Variants in LCP1 observed in about 807,000 individuals in gnomAD.
LCP1 encodes lymphocyte cytosolic protein 1.
In LCP1, 23 loss-of-function variants were observed where a neutral mutation model predicts 72.0. The ratio of observed to expected loss-of-function variants is 0.32; its 90% CI spans 0.23 to 0.45. LCP1 has a LOEUF of 0.45. LCP1 is among the 20% of genes least tolerant of loss of function. The pLI, the probability that LCP1 is intolerant of heterozygous loss-of-function variation, is 1.00. For missense variants in LCP1, 571 were observed against 748.3 expected (o/e 0.76, Z 2.76); for synonymous variants, 245 against 275.4 (o/e 0.89, Z 1.09).
chr13:46,158,511 G>A lies in LCP1; in HGVS notation c.358+11C>T. On this transcript the variant is annotated intron_variant, in intron 4 of 15. Coordinates refer to ENST00000323076, the MANE Select transcript of LCP1 (RefSeq NM_002298.5). Reference sequence around the variant, plus strand: ...CCTGAAATCCTGCTCCAACCCAGGAGTTGAGCCTACCTGAATAGGAGTGTT... The same window carrying A: ...CCTGAAATCCTGCTCCAACCCAGGAATTGAGCCTACCTGAATAGGAGTGTT... 6.2e-7 allele frequency: 1 copy of A among 1,612,476 alleles called. No homozygotes were observed. Among genetic ancestry groups the A allele is most frequent in the South Asian group, 1.1e-5 (1 of 90,492 alleles).
At chr13:46,171,721 A>C (rs1196358145) in intron 1 of LCP1, among the ~76,000 whole-genome samples, 1 of 152,252 alleles carries the variant, frequency 6.6e-6, no homozygotes, top group Non-Finnish European at 1.5e-5. Flanking sequence ...AGACTACACT[A>C]ATATGAATAT....
rs182154614 is a variant in LCP1, at chr13:46,127,038, G to A, written c.*553C>T. The A allele has an allele frequency of 1.1e-4, 26 of 231,420 alleles. 1 individual carries two copies. The South Asian group carries it at 1.5e-3, about 13-fold the overall frequency. 14.3% of individuals were successfully genotyped at this position (231,420 alleles called of 1,614,324 possible). A position where few individuals can be genotyped will look rare whatever the true frequency, so the allele number is the denominator to read the frequency against. On this transcript the variant is annotated 3_prime_UTR_variant, in exon 16 of 16. Coordinates refer to ENST00000323076, the MANE Select transcript of LCP1 (RefSeq NM_002298.5). ...CTCCAAGTGGCCCAGAGACAAGGAC[G>A]GCCAGAAGAGATGGGCCCCCCCGGA...
At chr13:46,149,952 G>C (rs2045753895) in intron 8 of LCP1, among the ~76,000 whole-genome samples, 2 of 152,352 alleles carry the variant, frequency 1.3e-5, no homozygotes, top group South Asian at 4.1e-4. Context: ...TAGTTAGAAA[G>C]ATGGATTTAG....
intron 1 of LCP1, among the ~76,000 whole-genome samples, chr13:46,176,512 G>C (rs2045931322): frequency 1.3e-5 from 2 of 152,156 alleles, no homozygotes; most frequent in South Asian, 4.1e-4. Flanking sequence ...ATGCTGAATA[G>C]GGAAAATATG....
chr13:46,149,828 G>T (rs185839764), intron 8 of LCP1, among the ~76,000 whole-genome samples: 6 of 152,204 alleles, frequency 3.9e-5, no homozygotes, highest in Admixed American at 2.6e-4. Flanking sequence ...GAAAAGTTTT[G>T]CAATTGCAGA....
intron 1 of LCP1, among the ~76,000 whole-genome samples, chr13:46,163,305 G>T (rs2045856280): frequency 6.6e-6 from 1 of 152,226 alleles, no homozygotes. Flanking sequence ...AAATTCTTCT[G>T]CCTTGGGATG....
At chr13:46,153,654 T>C (rs1442529949) in intron 6 of LCP1, among the ~76,000 whole-genome samples, 1 of 147,308 alleles carries the variant, frequency 6.8e-6, no homozygotes, top group Non-Finnish European at 1.5e-5. Context: ...TGAGCTGAGA[T>C]CATGCCATCA....
At chr13:46,174,962 T>C (rs1186373775) in intron 1 of LCP1, among the ~76,000 whole-genome samples, 4 of 151,902 alleles carry the variant, frequency 2.6e-5, no homozygotes, top group Admixed American at 2.6e-4. Context: ...TGTTAGAAGA[T>C]ACAAAACAGT....
At chr13:46,146,804 G>T in intron 10 of LCP1, 104 bp downstream of exon 10, 1 of 1,129,632 alleles carries the variant, frequency 8.9e-7, no homozygotes, top group Non-Finnish European at 1.3e-6. Flanking sequence ...TGGCCTGTTT[G>T]CACATGTAAA....
intron 1 of LCP1, among the ~76,000 whole-genome samples, chr13:46,180,883 A>T (rs1457896222): frequency 6.6e-6 from 1 of 152,328 alleles, no homozygotes; most frequent in Non-Finnish European, 1.5e-5. Flanking sequence ...AGTCCCTCTT[A>T]TCTCAGTTTC....
intron 13 of LCP1, among the ~76,000 whole-genome samples, chr13:46,140,613 T>A (rs2045691569): frequency 6.6e-6 from 1 of 152,066 alleles, no homozygotes; most frequent in Non-Finnish European, 1.5e-5. Flanking sequence ...TGACATATAA[T>A]TAAAAAATTA....
At chr13:46,181,410 T>G (rs2045954660) in intron 1 of LCP1, among the ~76,000 whole-genome samples, 1 of 152,234 alleles carries the variant, frequency 6.6e-6, no homozygotes, top group South Asian at 2.1e-4. Context: ...TGAGTGAATA[T>G]TCATTGATAT....
In LCP1 at chr13:46,127,098, A is replaced by C. The variant is rs1409430; in HGVS notation, c.*493T>G. On this transcript the variant is annotated 3_prime_UTR_variant, in exon 16 of 16. Coordinates refer to ENST00000323076, the MANE Select transcript of LCP1 (RefSeq NM_002298.5). ...TCCAAAAGTGTGAGGAGCAAAGTCA[A>C]GGGAGGCAGGGTAGGAAGAGGGGAC... 2 of 231,740 alleles carry C rather than the reference A, an allele frequency of 8.6e-6. No homozygotes were observed. The highest frequency in any genetic ancestry group is 1.8e-4 in the South Asian group (1 of 5,534). The allele number at this position is 231,740 out of a possible 1,614,324, so 14.4% of individuals were successfully genotyped here.
chr13:46,176,332 T>C (rs2045930305), intron 1 of LCP1, among the ~76,000 whole-genome samples: 1 of 151,398 alleles, frequency 6.6e-6, no homozygotes, highest in Non-Finnish European at 1.5e-5. Flanking sequence ...CCGTTATATG[T>C]CAATTTAAAA....
At chr13:46,179,050 A>G (rs978710818) in intron 1 of LCP1, among the ~76,000 whole-genome samples, 1 of 152,240 alleles carries the variant, frequency 6.6e-6, no homozygotes, top group African/African-American at 2.4e-5. Context: ...GTTCTTTGTC[A>G]TCAAAGAGGC....
intron 1 of LCP1, among the ~76,000 whole-genome samples, chr13:46,167,081 T>G (rs1305849576): frequency 1.3e-5 from 2 of 152,186 alleles, no homozygotes; most frequent in Non-Finnish European, 2.9e-5. Flanking sequence ...ACATGGATTC[T>G]CTCAAAGCCT....
chr13:46,170,201 A>G (rs192482191), intron 1 of LCP1, among the ~76,000 whole-genome samples: 90 of 152,352 alleles, frequency 5.9e-4, no homozygotes, highest in African/African-American at 2.1e-3. Context: ...ACTGAAAGGT[A>G]CAGACACCCA....
Position 46,174,303 on chromosome 13 carries a change from C to A in LCP1, c.-25+7808G>T, listed in dbSNP as rs74074051. On this transcript the variant is annotated intron_variant, in intron 1 of 15. Transcript: ENST00000323076. ...TAATTTGATGGGCTCTCTTTATCTT[C>A]ATTTTTTTTAAAAGTTACAGTTTAG... 1.6e-3 allele frequency among the ~76,000 whole-genome samples: 240 copies of A among 146,184 alleles called. 3 individuals carry two copies. Among genetic ancestry groups the A allele is most frequent in the African/African-American group, 5.2e-3 (209 of 39,994 alleles).
At chr13:46,138,891 C>A (rs564635892) in intron 13 of LCP1, among the ~76,000 whole-genome samples, 3 of 152,156 alleles carry the variant, frequency 2.0e-5, no homozygotes, top group African/African-American at 4.8e-5. Flanking sequence ...AGGTGATCCA[C>A]CCGCCTCGGC....
Sources: gnomAD v4.1 joint callset for allele counts (sites outside exome capture counted in the v4.1 genomes callset) on GRCh38, gnomAD v4.1.1 for gene constraint, MANE v1.5 for transcripts, NCBI Gene and HGNC (gene_info 2026-07-23, HGNC 2026-07-21) for gene names.